CDKAL1: variants seen among roughly 807,000 people sequenced by gnomAD.
CDKAL1 encodes the protein threonylcarbamoyladenosine tRNA methylthiotransferase.
A neutral mutation model predicts 68.2 loss-of-function variants in CDKAL1; 32 were observed. The observed-to-expected ratio is 0.47, with a 90% CI of 0.35 to 0.63. The LOEUF (loss-of-function observed/expected upper bound fraction) is 0.63, where lower values mean the gene tolerates loss of function less well. Among genes scored for constraint, CDKAL1 ranks in the 30% least tolerant of loss-of-function variants. The pLI is 0.00. For missense variants in CDKAL1, 606 were observed against 696.7 expected (o/e 0.87, Z 1.47); for synonymous variants, 234 against 244.3 (o/e 0.96, Z 0.39).
intron 4 of CDKAL1, among the ~76,000 whole-genome samples, chr6:20,638,920 C>T (rs1383722827): frequency 1.3e-5 from 2 of 152,094 alleles, no homozygotes; most frequent in Non-Finnish European, 2.9e-5. Flanking sequence ...GCATGAACCA[C>T]CGCGCCCGGC....
chr6:21,069,765 A>G (rs1177069924), intron 12 of CDKAL1, among the ~76,000 whole-genome samples: 2 of 82,272 alleles, frequency 2.4e-5, no homozygotes, highest in Non-Finnish European at 4.9e-5. Context: ...AATCCCCCAG[A>G]TTTTCTTTCT....
chr6:20,537,217 C>T (rs1763209834), intron 2 of CDKAL1, among the ~76,000 whole-genome samples: 2 of 152,076 alleles, frequency 1.3e-5, no homozygotes, highest in Admixed American at 1.3e-4. Flanking sequence ...AATTAGGGAT[C>T]TATAGTGGAA....
intron 5 of CDKAL1, among the ~76,000 whole-genome samples, chr6:20,703,212 A>G (rs1052179839): frequency 6.6e-6 from 1 of 151,988 alleles, no homozygotes; most frequent in African/African-American, 2.4e-5. Context: ...TTGGCAAACA[A>G]TGGCCCTCAG....
At chr6:20,746,678 A>G (rs1773677089) in intron 6 of CDKAL1, among the ~76,000 whole-genome samples, 1 of 152,170 alleles carries the variant, frequency 6.6e-6, no homozygotes, top group Non-Finnish European at 1.5e-5. Flanking sequence ...CATATATTTG[A>G]TGGAAAAGAC....
intron 9 of CDKAL1, among the ~76,000 whole-genome samples, chr6:20,893,966 G>A (rs1051263214): frequency 1.3e-5 from 2 of 152,094 alleles, no homozygotes; most frequent in African/African-American, 2.4e-5. Flanking sequence ...AGTCCTTGTC[G>A]AAGCATTCAA....
At chr6:20,615,857 T>C (rs1191013021) in intron 4 of CDKAL1, among the ~76,000 whole-genome samples, 2 of 129,594 alleles carry the variant, frequency 1.5e-5, no homozygotes, top group Non-Finnish European at 1.7e-5. Flanking sequence ...TCCTTGCCCA[T>C]GCCTATGTCC....
intron 11 of CDKAL1, among the ~76,000 whole-genome samples, chr6:21,044,672 G>T (rs971305506): frequency 2.0e-5 from 3 of 152,136 alleles, no homozygotes; most frequent in Non-Finnish European, 4.4e-5. Flanking sequence ...ATTCAGTTGA[G>T]CTGGTTTGAA....
At chr6:21,006,029 G>A (rs1767705714) in intron 11 of CDKAL1, among the ~76,000 whole-genome samples, 1 of 152,108 alleles carries the variant, frequency 6.6e-6, no homozygotes, top group African/African-American at 2.4e-5. Flanking sequence ...TGATGACTGT[G>A]AGTGAGTCAT....
chr6:20,780,664 C>A (rs1206630501), intron 7 of CDKAL1, among the ~76,000 whole-genome samples: 1 of 138,242 alleles, frequency 7.2e-6, no homozygotes, highest in African/African-American at 2.7e-5. Flanking sequence ...TTTTTCATTT[C>A]TTTTTCTTTT....
chr6:21,228,581 T>A (rs895698367), intron 15 of CDKAL1, among the ~76,000 whole-genome samples: 5 of 152,192 alleles, frequency 3.3e-5, no homozygotes, highest in Non-Finnish European at 7.3e-5. Context: ...TGGTTGCTCA[T>A]CTCATTGGAA....
chr6:20,920,294 G>A (rs76859312), intron 9 of CDKAL1, among the ~76,000 whole-genome samples: 2,697 of 152,190 alleles, frequency 0.018, 84 homozygotes, highest in African/African-American at 0.061. Flanking sequence ...GAAAATGTAC[G>A]CCTACAAGTA....
chr6:21,065,676 C>CTTTTT lies in CDKAL1; in HGVS notation c.1236+457_1236+461dup, dbSNP rs200076110. 2.4e-3 allele frequency among the ~76,000 whole-genome samples: 321 copies of CTTTTT among 133,222 alleles called. 3 individuals carry two copies. The highest frequency in any genetic ancestry group is 4.0e-3 in the Middle Eastern group (1 of 252). The allele number at this position is 133,222 out of a possible 152,430, so 87.4% of individuals were successfully genotyped here. Reference sequence around the variant, plus strand: ...GATAGATTTGATACTATCTTTCTACCTTTTTTTTTTTTTCAGTTTTTTCAC... The same window carrying CTTTTT: ...GATAGATTTGATACTATCTTTCTACCTTTTTTTTTTTTTTTTTTCAGTTTTTTCAC... On this transcript the variant is annotated intron_variant, in intron 12 of 15. Coordinates refer to ENST00000274695, the MANE Select transcript of CDKAL1 (RefSeq NM_017774.3).
intron 4 of CDKAL1, among the ~76,000 whole-genome samples, chr6:20,619,971 T>G (rs1767103258): frequency 6.6e-6 from 1 of 152,254 alleles, no homozygotes; most frequent in Admixed American, 6.5e-5. Flanking sequence ...CTCTCTTCTT[T>G]GACTTGAATA....
chr6:20,704,943 C>G (rs1421306852), intron 5 of CDKAL1, among the ~76,000 whole-genome samples: 2 of 152,084 alleles, frequency 1.3e-5, no homozygotes, highest in Admixed American at 6.6e-5. Flanking sequence ...GAAAGCCTGA[C>G]TAAAATGAGA....
chr6:20,653,863 G>A (rs772752867), intron 5 of CDKAL1, among the ~76,000 whole-genome samples: 27 of 152,076 alleles, frequency 1.8e-4, no homozygotes, highest in Non-Finnish European at 3.1e-4. Context: ...CGCCTGCCTC[G>A]GCCTCCCAAA....
intron 11 of CDKAL1, among the ~76,000 whole-genome samples, chr6:21,003,371 T>TATATATACACACACACACAC: frequency 4.1e-5 from 2 of 49,304 alleles, no homozygotes; most frequent in Admixed American, 5.7e-4. Flanking sequence ...TATATATATA[T>TATATATACACACACACACAC]ACACACACAC....
rs553409169 is a variant in CDKAL1, at chr6:21,176,957, A to G, written c.1300-21064A>G. Reference sequence around the variant, plus strand: ...CATGATCCACCCGCCTCAGCCTCCCAAAGTGCTGGGATTACAGGCGTGAGC... The same window carrying G: ...CATGATCCACCCGCCTCAGCCTCCCGAAGTGCTGGGATTACAGGCGTGAGC... On this transcript the variant is annotated intron_variant, in intron 13 of 15. Coordinates refer to ENST00000274695, the MANE Select transcript of CDKAL1 (RefSeq NM_017774.3). Among the ~76,000 whole-genome samples the G allele has an allele frequency of 5.8e-4, 88 of 152,122 alleles. 2 individuals are homozygous for G. The South Asian group carries it at 0.018, about 31-fold the overall frequency.
chr6:20,764,885 G>A (rs9465885), intron 7 of CDKAL1, among the ~76,000 whole-genome samples: 9,952 of 152,202 alleles, frequency 0.065, 375 homozygotes, highest in Middle Eastern at 0.088. Flanking sequence ...CTCTGATACA[G>A]TTAGTATAGT....
chr6:20,795,962 C>G (rs1475235752), intron 8 of CDKAL1, among the ~76,000 whole-genome samples: 1 of 152,054 alleles, frequency 6.6e-6, no homozygotes, highest in Non-Finnish European at 1.5e-5. Flanking sequence ...AGAATCAGCC[C>G]TCTATTTAGG....
Sources: allele counts gnomAD v4.1 joint callset (sites outside exome capture counted in the v4.1 genomes callset), GRCh38; gene constraint gnomAD v4.1.1; transcripts MANE v1.5; gene names NCBI Gene and HGNC (gene_info 2026-07-23, HGNC 2026-07-21).